Variants in PACRG observed in about 807,000 individuals in gnomAD.
PACRG encodes the protein parkin coregulated.
Under a neutral mutation model 29.7 loss-of-function variants are expected in PACRG, and 29 were observed. The observed-to-expected ratio is 0.98, with a 90% CI of 0.73 to 1.33. The LOEUF (loss-of-function observed/expected upper bound fraction) is 1.33. Among genes scored for constraint, PACRG ranks in the 40% most tolerant of loss-of-function variants. The pLI is 0.00. For synonymous variants in PACRG, 116 were observed against 118.7 expected, an observed-to-expected ratio of 0.98 and a Z score of 0.15; for missense variants, 279 against 316.2, an observed-to-expected ratio of 0.88 and a Z score of 0.89.
At chr6:163,149,463 T>G (rs373844900) in intron 4 of PACRG, among the ~76,000 whole-genome samples, 1 of 152,162 alleles carries the variant, frequency 6.6e-6, no homozygotes, top group African/African-American at 2.4e-5. Context: ...AACACGGCCT[T>G]GTGATGAAGC....
chr6:163,034,871 T>C (rs1388134772), intron 2 of PACRG, among the ~76,000 whole-genome samples: 1 of 152,208 alleles, frequency 6.6e-6, no homozygotes, highest in African/African-American at 2.4e-5. Context: ...AGCAAGTTTA[T>C]TAAGAAAGTA....
intron 4 of PACRG, among the ~76,000 whole-genome samples, chr6:163,250,472 T>C (rs1782860152): frequency 6.6e-6 from 1 of 152,242 alleles, no homozygotes; most frequent in African/African-American, 2.4e-5. Context: ...ATTATGAATA[T>C]TGGAAACTTT....
chr6:163,237,281 A>G (rs1022862802), intron 4 of PACRG, among the ~76,000 whole-genome samples: 18 of 152,204 alleles, frequency 1.2e-4, no homozygotes, highest in African/African-American at 4.3e-4. Flanking sequence ...GTCTGACAGT[A>G]TAACTTTTGG....
intron 3 of PACRG, among the ~76,000 whole-genome samples, chr6:163,067,879 A>G (rs1234957796): frequency 6.6e-6 from 1 of 152,222 alleles, no homozygotes; most frequent in Non-Finnish European, 1.5e-5. Flanking sequence ...TTTTCTCAGC[A>G]TTGATAATTG....
At chr6:162,998,106 G>A (rs1554331200) in intron 2 of PACRG, among the ~76,000 whole-genome samples, 1 of 152,204 alleles carries the variant, frequency 6.6e-6, no homozygotes, top group Non-Finnish European at 1.5e-5. Flanking sequence ...GGAGCACATG[G>A]AACTCTGTTC....
chr6:163,224,786 G>A (rs1285617491), intron 4 of PACRG, among the ~76,000 whole-genome samples: 1 of 149,856 alleles, frequency 6.7e-6, no homozygotes, highest in Non-Finnish European at 1.5e-5. Context: ...TTTTGTTGTT[G>A]TTGTTGTTGT....
intron 2 of PACRG, among the ~76,000 whole-genome samples, chr6:162,912,172 C>G (rs1796346153): frequency 6.6e-6 from 1 of 152,310 alleles, no homozygotes; most frequent in South Asian, 2.1e-4. Context: ...GTTGCTAATG[C>G]CTGCTATAGA....
intron 4 of PACRG, among the ~76,000 whole-genome samples, chr6:163,281,037 T>G (rs892531798): frequency 6.6e-6 from 1 of 152,060 alleles, no homozygotes; most frequent in African/African-American, 2.4e-5. Flanking sequence ...TCATTTGAAC[T>G]GAGATGAGCA....
intron 2 of PACRG, among the ~76,000 whole-genome samples, chr6:162,899,426 G>A (rs937957823): frequency 6.6e-6 from 1 of 152,114 alleles, no homozygotes; most frequent in Non-Finnish European, 1.5e-5. Context: ...TACCGCTTCG[G>A]CACCACCTAG....
At chr6:162,830,750 C>A (rs1249421778) in intron 2 of PACRG, among the ~76,000 whole-genome samples, 1 of 152,156 alleles carries the variant, frequency 6.6e-6, no homozygotes, top group African/African-American at 2.4e-5. Flanking sequence ...ACTTATCAAG[C>A]ATTTAGTTAT....
chr6:162,787,930 C>T (rs1265805753), intron 1 of PACRG, among the ~76,000 whole-genome samples: 2 of 151,872 alleles, frequency 1.3e-5, no homozygotes, highest in African/African-American at 4.8e-5. Context: ...TTCAGGTTCA[C>T]AGCAAAATTG....
chr6:163,160,524 C>G (rs1284791199), intron 4 of PACRG, among the ~76,000 whole-genome samples: 1 of 152,158 alleles, frequency 6.6e-6, no homozygotes, highest in Non-Finnish European at 1.5e-5. Context: ...TCTTTCTTTT[C>G]ATGTACTGAA....
chr6:162,947,615 TA>T (rs1799291818), intron 2 of PACRG, among the ~76,000 whole-genome samples: 1 of 22,526 alleles, frequency 4.4e-5, no homozygotes, highest in African/African-American at 1.4e-4. Context: ...TATAATCATA[TA>T]TATATATATA....
chr6:162,792,672 G>A lies in PACRG; in HGVS notation c.157-21475G>A, dbSNP rs73603813. ...TAGAGAGAAAACAACCAACACTGCT[G>A]GGGAGACAGCATCCTTAGGGAAAAG... On this transcript the variant is annotated intron_variant, in intron 1 of 4. Coordinates refer to ENST00000366888, the MANE Select transcript of PACRG (RefSeq NM_001080379.2). 4.7e-3 allele frequency among the ~76,000 whole-genome samples: 719 copies of A among 152,294 alleles called. 5 individuals are homozygous for A. Among genetic ancestry groups the A allele is most frequent in the African/African-American group, 0.017 (690 of 41,580 alleles).
chr6:163,148,132 T>C (rs538217599), intron 4 of PACRG, among the ~76,000 whole-genome samples: 1 of 152,302 alleles, frequency 6.6e-6, no homozygotes, highest in Admixed American at 6.5e-5. Flanking sequence ...GCTTATAGTG[T>C]GTGTGTTGAG....
At chr6:163,070,959 TATAATG>T (rs1811989127) in intron 3 of PACRG, among the ~76,000 whole-genome samples, 1 of 151,786 alleles carries the variant, frequency 6.6e-6, no homozygotes, top group Non-Finnish European at 1.5e-5. Flanking sequence ...GAAACAAAGA[TATAATG>T]ATAAAGGGGT....
intron 4 of PACRG, among the ~76,000 whole-genome samples, chr6:163,126,021 A>G (rs2476468): frequency 0.57 from 86,551 of 152,054 alleles, 25,774 homozygotes; most frequent in Middle Eastern, 0.69. Flanking sequence ...AGCTGTCTAC[A>G]TTTATCTGAC....
chr6:163,248,748 C>T (rs1435597143), intron 4 of PACRG, among the ~76,000 whole-genome samples: 2 of 152,142 alleles, frequency 1.3e-5, no homozygotes, highest in African/African-American at 4.8e-5. Flanking sequence ...GGGCATGACC[C>T]TCTGTCCACT....
intron 2 of PACRG, among the ~76,000 whole-genome samples, chr6:162,940,381 TCTCTCTCTCC>T (rs1337527036): frequency 6.6e-6 from 1 of 151,980 alleles, no homozygotes; most frequent in Non-Finnish European, 1.5e-5. Context: ...TTCTCTATGT[TCTCTCTCTCC>T]CTCTCTCTCT....
Sources: gnomAD v4.1 joint callset for allele counts (sites outside exome capture counted in the v4.1 genomes callset) on GRCh38, gnomAD v4.1.1 for gene constraint, MANE v1.5 for transcripts, NCBI Gene and HGNC (gene_info 2026-07-23, HGNC 2026-07-21) for gene names.